NAV2: variants seen among roughly 807,000 people sequenced by gnomAD.
NAV2 encodes the protein helicase, APC down-regulated 1.
In NAV2, 54 loss-of-function variants were observed where a neutral mutation model predicts 223.2. The ratio of observed to expected loss-of-function variants is 0.24; its 90% CI spans 0.19 to 0.30. The LOEUF (loss-of-function observed/expected upper bound fraction) is 0.30. NAV2 is among the 10% of genes least tolerant of loss of function. The pLI is 1.00. For synonymous variants in NAV2, 1,279 were observed against 1,239.3 expected, an observed-to-expected ratio of 1.03 and a Z score of -0.67; for missense variants, 2,806 against 3,147.5, an observed-to-expected ratio of 0.89 and a Z score of 2.60.
chr11:20,077,368 T>C (rs981715143), intron 22 of NAV2, among the ~76,000 whole-genome samples, 184 bp from the exon 23 acceptor site: 3 of 151,916 alleles, frequency 2.0e-5, no homozygotes, highest in Non-Finnish European at 4.4e-5. Flanking sequence ...CACGGGTTGT[T>C]TGAGCAAGTA....
chr11:19,603,398 C>A lies in NAV2; in HGVS notation c.76-229086C>A, dbSNP rs867466655. Reference sequence around the variant, plus strand: ...ATCCCAGCACTTTGGGAGGCCAAGGCAGGTGGATCACGAGGTCAGGAGATT... The same window carrying A: ...ATCCCAGCACTTTGGGAGGCCAAGGAAGGTGGATCACGAGGTCAGGAGATT... On this transcript the variant is annotated intron_variant, in intron 1 of 37. Coordinates refer to the NAV2 transcript ENST00000360655. 2.0e-5 allele frequency among the ~76,000 whole-genome samples: 3 copies of A among 152,162 alleles called. No individual in the cohort carries two copies. In the South Asian group the frequency reaches 6.2e-4, roughly 32 times the overall value.
At position 19,413,833 on chromosome 11, in the gene NAV2, C is replaced by T. The variant is rs150948165; in HGVS notation, c.75+62806C>T. ...TCATATCCAGCCAAACTAAGCCTCA[C>T]AAGCGAAGGAGAAATAAAATCCATT... On this transcript the variant is annotated intron_variant, in intron 1 of 37. Transcript: ENST00000360655. 2.0e-3 allele frequency among the ~76,000 whole-genome samples: 297 copies of T among 152,254 alleles called. 4 individuals are homozygous for T. In the East Asian group the frequency reaches 0.048, roughly 25 times the overall value.
intron 1 of NAV2, among the ~76,000 whole-genome samples, chr11:19,647,757 T>C (rs77767137): frequency 0.028 from 4,213 of 152,206 alleles, 173 homozygotes; most frequent in African/African-American, 0.085. Flanking sequence ...TTTTGTTTGG[T>C]GGAAGCAGGA....
chr11:20,010,026 A>G (rs2053436697), intron 11 of NAV2, among the ~76,000 whole-genome samples: 1 of 152,210 alleles, frequency 6.6e-6, no homozygotes, highest in Non-Finnish European at 1.5e-5. Context: ...CTTGAGGGCA[A>G]GAACCTATCT....
chr11:19,357,868 G>C (rs770809530), intron 1 of NAV2, among the ~76,000 whole-genome samples: 16 of 152,158 alleles, frequency 1.1e-4, no homozygotes, highest in Non-Finnish European at 1.8e-4. Context: ...TTAAACCTTT[G>C]TAAGTGTGTC....
chr11:19,717,555 G>C (rs896013276), intron 1 of NAV2, among the ~76,000 whole-genome samples: 36 of 152,254 alleles, frequency 2.4e-4, no homozygotes, highest in Non-Finnish European at 4.4e-5. Flanking sequence ...CCGAGCAGTT[G>C]ATGTTGCTTC....
intron 11 of NAV2, among the ~76,000 whole-genome samples, chr11:19,997,494 A>C (rs1366989723): frequency 6.6e-6 from 1 of 152,164 alleles, no homozygotes; most frequent in Non-Finnish European, 1.5e-5. Flanking sequence ...ATCATCAAAA[A>C]CAACAATTTT....
At chr11:19,404,125 G>A (rs865953815) in intron 1 of NAV2, among the ~76,000 whole-genome samples, 1 of 152,210 alleles carries the variant, frequency 6.6e-6, no homozygotes, top group African/African-American at 2.4e-5. Flanking sequence ...TACAGGGTGC[G>A]AGACAGAGAG....
At chr11:19,366,207 T>C (rs1848273891) in intron 1 of NAV2, among the ~76,000 whole-genome samples, 1 of 152,300 alleles carries the variant, frequency 6.6e-6, no homozygotes, top group Non-Finnish European at 1.5e-5. Flanking sequence ...GGGGTCAGGT[T>C]ACCAGTAAGC....
chr11:19,734,900 T>C (rs1227988325), intron 1 of NAV2, among the ~76,000 whole-genome samples: 1 of 152,202 alleles, frequency 6.6e-6, no homozygotes, highest in Non-Finnish European at 1.5e-5. Flanking sequence ...AAAGCAGCCC[T>C]GGGCCCTCCA....
chr11:19,733,405 C>G (rs181296545), intron 1 of NAV2, among the ~76,000 whole-genome samples: 6 of 152,316 alleles, frequency 3.9e-5, no homozygotes, highest in Admixed American at 3.9e-4. Context: ...CTGTTCAGTT[C>G]TGGAGTCCAT....
intron 1 of NAV2, among the ~76,000 whole-genome samples, chr11:19,543,002 C>T (rs11025177): frequency 0.12 from 18,098 of 152,164 alleles, 1,193 homozygotes; most frequent in East Asian, 0.19. Context: ...AGCATGGGTC[C>T]AATCACCTAA....
intron 6 of NAV2, among the ~76,000 whole-genome samples, chr11:19,906,022 A>C (rs1045067298): frequency 6.6e-5 from 10 of 152,024 alleles, no homozygotes; most frequent in Non-Finnish European, 1.3e-4. Context: ...ATGATTTCTT[A>C]CAAGCCCAAG....
At chr11:19,568,128 T>TG (rs1783482821) in intron 1 of NAV2, among the ~76,000 whole-genome samples, 1 of 152,224 alleles carries the variant, frequency 6.6e-6, no homozygotes, top group South Asian at 2.1e-4. Flanking sequence ...CCAGTGCCTG[T>TG]GCCCATTTGC....
chr11:19,407,687 C>T (rs1849957854), intron 1 of NAV2, among the ~76,000 whole-genome samples: 1 of 150,772 alleles, frequency 6.6e-6, no homozygotes, highest in African/African-American at 2.4e-5. Context: ...TCCCCACCCA[C>T]CCATAGCCCC....
intron 1 of NAV2, among the ~76,000 whole-genome samples, chr11:19,541,573 G>T (rs2044343445): frequency 6.6e-6 from 1 of 152,216 alleles, no homozygotes. Context: ...CACTGTGCCT[G>T]TGGTCTCCTC....
At chr11:19,629,842 G>A (rs1258014097) in intron 1 of NAV2, among the ~76,000 whole-genome samples, 1 of 152,144 alleles carries the variant, frequency 6.6e-6, no homozygotes, top group Non-Finnish European at 1.5e-5. Flanking sequence ...GCCTCACCCT[G>A]GAATGGCCGC....
chr11:19,856,615 A>G (rs1001803987), intron 3 of NAV2, among the ~76,000 whole-genome samples: 1 of 152,204 alleles, frequency 6.6e-6, no homozygotes, highest in African/African-American at 2.4e-5. Flanking sequence ...CTGGCATATA[A>G]TAATCACCCA....
At chr11:19,595,136 A>G (rs931654070) in intron 1 of NAV2, among the ~76,000 whole-genome samples, 1 of 152,166 alleles carries the variant, frequency 6.6e-6, no homozygotes, top group Non-Finnish European at 1.5e-5. Flanking sequence ...ACTGAGAAAC[A>G]CACCTCAGAA....
Sources: allele counts gnomAD v4.1 joint callset (sites outside exome capture counted in the v4.1 genomes callset), GRCh38; gene constraint gnomAD v4.1.1; transcripts MANE v1.5; gene names NCBI Gene and HGNC (gene_info 2026-07-23, HGNC 2026-07-21).